CLCN1: variants seen among roughly 807,000 people sequenced by gnomAD.
CLCN1 encodes the protein chloride channel protein 1.
A neutral mutation model predicts 114.5 loss-of-function variants in CLCN1; 100 were observed. The observed-to-expected ratio is 0.87, with a 90% CI of 0.74 to 1.03. The LOEUF (loss-of-function observed/expected upper bound fraction) is 1.03. Ranked by LOEUF, CLCN1 falls within the 50% of genes least tolerant of loss-of-function variation. CLCN1 has a pLI of 0.00. For missense variants in CLCN1, 1,188 were observed against 1,250.0 expected (o/e 0.95, Z 0.75); for synonymous variants, 485 against 487.1 (o/e 1.00, Z 0.06).
Position 143,345,704 on chromosome 7 carries a change from C to T in CLCN1, c.2114C>T (p.Pro705Leu). The T allele has an allele frequency of 6.4e-7, 1 of 1,564,922 alleles. No individual in the cohort carries two copies. Residue 705 changes from proline to leucine, a missense_variant, in exon 17 of 23, where the codon CCC becomes CTC. Transcript: ENST00000343257. ...EGLPGAPPGR[P>L]ESFAFVDEDE... ...CTCCCCGGCGCGCCTCCAGGCCGGC[C>T]CGAGTCCTTCGCCTTTGTGGATGAG...
chr7:143,321,418 G>A lies in CLCN1; in HGVS notation c.487G>A (p.Val163Ile), dbSNP rs763587236. ...GCCCAGCCTTCCTCTGCAGTTCCTGGTCTGGGTCACCTTCCCACTAGTCCT... is the reference window on the plus strand; with the variant it reads ...GCCCAGCCTTCCTCTGCAGTTCCTGATCTGGGTCACCTTCCCACTAGTCCT... The part of the protein sequence containing the change: ...MQPSLPLQFL[V>I]WVTFPLVLIL... The change falls in exon 4 of 23, where the codon GTC (valine) becomes ATC (isoleucine). Residue 163 changes from valine to isoleucine, a missense_variant. Transcript: ENST00000343257. The surrounding 1 kb of genome is among the most constrained non-coding windows in gnomAD (Gnocchi z 4.2). 1.2e-6 allele frequency: 2 copies of A among 1,614,190 alleles called. No individual in the cohort carries two copies. The highest frequency in any genetic ancestry group is 1.1e-5 in the South Asian group (1 of 91,088).
intron 20 of CLCN1, among the ~76,000 whole-genome samples, chr7:143,349,583 G>A (rs1013245165): frequency 6.6e-6 from 1 of 152,208 alleles, no homozygotes; most frequent in African/African-American, 2.4e-5. Flanking sequence ...TCAAGAGGAT[G>A]GTTGGCCTTT....
intron 16 of CLCN1, among the ~76,000 whole-genome samples, chr7:143,343,716 C>T (rs201583301): frequency 1.3e-4 from 16 of 121,018 alleles, no homozygotes; most frequent in Non-Finnish European, 2.3e-4. Context: ...CTTTCTTTCT[C>T]TTTCTTTCTT....
At position 143,332,740 on chromosome 7, in the gene CLCN1, C is replaced by A; in HGVS notation, c.1268C>A (p.Ala423Asp). The A allele has an allele frequency of 6.2e-7, 1 of 1,614,164 alleles. No individual in the cohort carries two copies. The highest frequency in any genetic ancestry group is 8.5e-7 in the Non-Finnish European group (1 of 1,180,038). The change falls in exon 12 of 23, where the codon GCC (alanine) becomes GAC (aspartate). Residue 423 changes from alanine to aspartate, a missense_variant. Physicochemically the swap from Ala to Asp is moderately radical, Grantham distance 126. Coordinates refer to ENST00000343257, the MANE Select transcript of CLCN1 (RefSeq NM_000083.3). ...FMAGELMPRE[A>D]ISTLFDNNTW... ...CTCTCCCAGTTGATGCCCCGCGAAG[C>A]CATCAGTACTTTGTTTGACAACAAT...
At chr7:143,343,689 G>A (rs1563085700) in intron 16 of CLCN1, among the ~76,000 whole-genome samples, 1 of 145,176 alleles carries the variant, frequency 6.9e-6, no homozygotes, top group Admixed American at 6.8e-5. Context: ...AGTTGGAACT[G>A]TTTTCTTTCT....
Position 143,321,809 on chromosome 7 carries a change from G to T in CLCN1, c.657G>T (p.Leu219=). 1 of 1,614,262 alleles carries T rather than the reference G, an allele frequency of 6.2e-7. No homozygotes were observed. The highest frequency in any genetic ancestry group is 8.5e-7 in the Non-Finnish European group (1 of 1,180,048). ...CCTTTGTGGCCAAGGTTGTCGCCCT[G>T]ACTGCGGGCCTGGGCAGTGGCATCC... ...MKAFVAKVVA[L]TAGLGSGIPV... The change falls in exon 5 of 23, where the codon CTG becomes CTT. Residue 219 remains leucine (L), a synonymous_variant. Coordinates refer to ENST00000343257, the MANE Select transcript of CLCN1 (RefSeq NM_000083.3). This position sits in a 1 kb window ranked among gnomAD's most constrained non-coding sequence, Gnocchi z 4.2.
Position 143,331,610 on chromosome 7 carries a change from G to A in CLCN1, c.1124G>A (p.Gly375Asp), listed in dbSNP as rs749187770. The change falls in exon 10 of 23, where the codon GGT becomes GAT. Residue 375 changes from glycine (G) to aspartate (D), a missense_variant. Physicochemically the swap from Gly to Asp is moderately conservative, Grantham distance 94 (BLOSUM62 -1). Transcript: ENST00000343257. ...FVYLHRQVMLGVRKHKALSQF... is the reference protein window; with the variant it reads ...FVYLHRQVMLDVRKHKALSQF... ...TATCTGCATCGCCAAGTCATGCTCG[G>A]TGTCCGAAAGCACAAGGCCCTCAGC... The A allele has an allele frequency of 6.2e-7, 1 of 1,614,150 alleles. No homozygotes were observed. Among genetic ancestry groups the A allele is most frequent in the East Asian group, 2.2e-5 (1 of 44,876 alleles).
intron 20 of CLCN1, 140 bp downstream of exon 20, chr7:143,347,089 G>A (rs764997236): frequency 3.8e-6 from 3 of 794,870 alleles, no homozygotes; most frequent in Non-Finnish European, 6.7e-6. Flanking sequence ...ATGGAAATAA[G>A]GATGATTATG....
At chr7:143,348,857 G>A (rs1417700880) in intron 20 of CLCN1, among the ~76,000 whole-genome samples, 2 of 152,172 alleles carry the variant, frequency 1.3e-5, no homozygotes, top group Non-Finnish European at 2.9e-5. Flanking sequence ...AGCTGGAGAT[G>A]TACCTGGAAT....
At chr7:143,328,446 C>T (rs4725612) in intron 7 of CLCN1, among the ~76,000 whole-genome samples, 131,175 of 152,134 alleles carry the variant, frequency 0.86, 56,899 homozygotes, top group Admixed American at 0.93. Flanking sequence ...TTTGTTTCCT[C>T]TTAGCTGCAC....
In CLCN1 at chr7:143,342,038, C is replaced by A. The variant is rs777069913; in HGVS notation, c.1692C>A (p.Ile564=). The A allele has an allele frequency of 1.2e-6, 2 of 1,614,048 alleles. No individual in the cohort carries two copies. The highest frequency in any genetic ancestry group is 2.7e-5 in the African/African-American group (2 of 74,920). ...AHILPMMVAV[I]LANMVAQSLQ... ...TCCTGCCCATGATGGTGGCTGTTAT[C>A]TTGGCCAACATGGTGGCCCAGAGCC... Residue 564 remains isoleucine (I), a synonymous_variant, in exon 15 of 23, where the codon ATC becomes ATA. Coordinates refer to ENST00000343257, the MANE Select transcript of CLCN1 (RefSeq NM_000083.3).
chr7:143,337,178 C>T (rs1050824123), intron 12 of CLCN1, among the ~76,000 whole-genome samples: 6 of 152,166 alleles, frequency 3.9e-5, no homozygotes, highest in African/African-American at 1.4e-4. Context: ...AGCTTTTCCT[C>T]CTTTGCATGA....
Position 143,321,221 on chromosome 7 carries a change from C to G in CLCN1, c.434-144C>G, listed in dbSNP as rs956905199. On this transcript the variant is annotated intron_variant, in intron 3 of 22. Transcript: ENST00000343257. The surrounding 1 kb of genome is among the most constrained non-coding windows in gnomAD (Gnocchi z 4.2). ...ATGTCGCCTCCATAACTCAGGCTTC[C>G]CATGTGTCAAATGAGAGCAGCACCA... 5.1e-6 allele frequency: 5 copies of G among 972,852 alleles called. No homozygotes were observed. The highest frequency in any genetic ancestry group is 2.5e-4 in the Middle Eastern group (1 of 4,044). 60.3% of individuals were successfully genotyped at this position (972,852 alleles called of 1,614,324 possible).
chr7:143,351,527 C>T, intron 22 of CLCN1, 67 bp from the exon 23 acceptor site: 1 of 1,548,826 alleles, frequency 6.5e-7, no homozygotes, highest in Middle Eastern at 1.7e-4. Context: ...TTCTGTGTCT[C>T]TCACTGCCCC....
intron 7 of CLCN1, among the ~76,000 whole-genome samples, chr7:143,328,683 C>T (rs1802641347): frequency 6.6e-6 from 1 of 152,192 alleles, no homozygotes; most frequent in Non-Finnish European, 1.5e-5. Context: ...ACTCACTCTA[C>T]CTGGTTCCTG....
At position 143,342,055 on chromosome 7, in the gene CLCN1, C is replaced by T. The variant is rs550768045; in HGVS notation, c.1709C>T (p.Ala570Val). The change falls in exon 15 of 23, where the codon GCC (alanine) becomes GTC (valine). Residue 570 changes from alanine to valine, a missense_variant. Coordinates refer to ENST00000343257, the MANE Select transcript of CLCN1 (RefSeq NM_000083.3). ...MVAVILANMV[A>V]QSLQPSLYDS... ...GCTGTTATCTTGGCCAACATGGTGG[C>T]CCAGAGCCTGCAGCCCTCTCTCTAT... 1.2e-6 allele frequency: 2 copies of T among 1,614,114 alleles called. No individual in the cohort carries two copies. Among genetic ancestry groups the T allele is most frequent in the African/African-American group, 2.7e-5 (2 of 75,014 alleles).
Position 143,346,072 on chromosome 7 carries a change from C to G in CLCN1, c.2173-68C>G. 25 of 1,053,862 alleles carry G rather than the reference C, an allele frequency of 2.4e-5. No homozygotes were observed. In the South Asian group the frequency reaches 2.5e-4, roughly 11 times the overall value. The allele number at this position is 1,053,862 out of a possible 1,614,324, so 65.3% of individuals were successfully genotyped here. ...TTCGCTTTCCCAGAACATCCACCAA[C>G]TGGTAAAGGCAGTGAAGGCCCAGGC... On this transcript the variant is annotated intron_variant, in intron 17 of 22. Coordinates refer to ENST00000343257, the MANE Select transcript of CLCN1 (RefSeq NM_000083.3).
chr7:143,332,341 C>A, intron 10 of CLCN1, 78 bp from the exon 11 acceptor site: 1 of 1,078,586 alleles, frequency 9.3e-7, no homozygotes, highest in Non-Finnish European at 1.4e-6. Flanking sequence ...CTAAAGGAAA[C>A]TTCAGCTTGC....
intron 12 of CLCN1, among the ~76,000 whole-genome samples, chr7:143,336,185 T>G (rs751339606): frequency 6.6e-6 from 1 of 152,144 alleles, no homozygotes; most frequent in Non-Finnish European, 1.5e-5. Flanking sequence ...CTCCTTTCAC[T>G]TCATTCTCCC....
Sources: allele counts gnomAD v4.1 joint callset (sites outside exome capture counted in the v4.1 genomes callset), GRCh38; gene constraint gnomAD v4.1.1; non-coding constraint Gnocchi (gnomAD v3.1); transcripts MANE v1.5; gene names NCBI Gene and HGNC (gene_info 2026-07-23, HGNC 2026-07-21).